The following HEATR9 variants were observed in gnomAD, a reference collection of about 807,000 sequenced individuals.
The protein encoded by HEATR9 is protein HEATR9.
Under a neutral mutation model 68.2 loss-of-function variants are expected in HEATR9, and 54 were observed. That is an observed-to-expected ratio of 0.79 (90% CI 0.64 to 0.99). The LOEUF is 0.99. Ranked by LOEUF, HEATR9 falls within the 50% of genes least tolerant of loss-of-function variation. The probability of loss-of-function intolerance (pLI) is 0.00; values close to 1 mark genes in which losing one functional copy is unlikely to be tolerated. For synonymous variants in HEATR9, 241 were observed against 253.5 expected (o/e 0.95, Z 0.47); for missense variants, 662 against 679.7 (o/e 0.97, Z 0.29).
chr17:35,863,450 A>G (rs1421447430), intron 7 of HEATR9, 52 bp downstream of exon 7: 31 of 1,573,606 alleles, frequency 2.0e-5, no homozygotes, highest in Non-Finnish European at 2.4e-5. Flanking sequence ...TACCCAAAGG[A>G]GAAAGTGGTT....
In HEATR9 at chr17:35,855,271, T is replaced by C; in HGVS notation, c.1505A>G (p.Asn502Ser). The C allele has an allele frequency of 6.2e-7, 1 of 1,614,228 alleles. No homozygotes were observed. Among genetic ancestry groups the C allele is most frequent in the Non-Finnish European group, 8.5e-7 (1 of 1,180,044 alleles). Residue 502 changes from asparagine to serine, a missense_variant, in exon 15 of 15, where the codon AAC (asparagine) becomes AGC (serine). Physicochemically the swap from Asn to Ser is conservative, Grantham distance 46. Transcript: ENST00000604834. The part of the protein sequence containing the change: ...EPTRFQKEPE[N>S]PEELTIQDFR... ...GTCTTGAATAGTTAACTCTTCTGGG[T>C]TCTCAGGCTCTTTCTGGAACCTTGT... is the stretch of plus-strand genomic sequence containing the variant.
At chr17:35,865,616 G>GC (rs2088173433) in intron 2 of HEATR9, among the ~76,000 whole-genome samples, 1 of 152,166 alleles carries the variant, frequency 6.6e-6, no homozygotes, top group South Asian at 2.1e-4. Flanking sequence ...GTAAAACAAA[G>GC]CTAATAATCC....
intron 11 of HEATR9, among the ~76,000 whole-genome samples, chr17:35,857,066 TGGAAGGTGAGTG>T (rs2087800201): frequency 6.6e-6 from 1 of 151,866 alleles, no homozygotes; most frequent in South Asian, 2.1e-4. Context: ...GAATGAAACT[TGGAAGGTGAGTG>T]GGAGTTAACC....
At chr17:35,855,442 C>T (rs376367613) in intron 14 of HEATR9, 32 bp from the exon 15 acceptor site, 66 of 1,587,872 alleles carry the variant, frequency 4.2e-5, no homozygotes, top group Admixed American at 1.7e-5. Context: ...AGTGCTGGCT[C>T]ACTTTGGGTT....
chr17:35,863,373 G>T, intron 7 of HEATR9, 129 bp downstream of exon 7: 1 of 1,067,226 alleles, frequency 9.4e-7, no homozygotes, highest in Non-Finnish European at 1.4e-6. Context: ...CAACATAACT[G>T]GGATAGTTCT....
chr17:35,855,106 C>G lies in HEATR9; in HGVS notation c.1670G>C (p.Arg557Thr). 6.2e-7 allele frequency: 1 copy of G among 1,614,052 alleles called. No individual in the cohort carries two copies. Among genetic ancestry groups the G allele is most frequent in the Non-Finnish European group, 8.5e-7 (1 of 1,179,994 alleles). Residue 557 changes from arginine (R) to threonine (T), a missense_variant, in exon 15 of 15, where the codon AGG becomes ACG. By Grantham distance (71) the Arg-to-Thr change is moderately conservative. Transcript: ENST00000604834. ...AAGGACCCGGAGCTGTTTCTTGATCCTTGGCTGCCAGGGCCCTATGACCTG... is the reference window on the plus strand; with the variant it reads ...AAGGACCCGGAGCTGTTTCTTGATCGTTGGCTGCCAGGGCCCTATGACCTG... ...RPQVIGPWQPRIKKQLRVLAE... is the reference protein window; with the variant it reads ...RPQVIGPWQPTIKKQLRVLAE...
At position 35,868,616 on chromosome 17, in the gene HEATR9, C is replaced by G. The variant is rs371829654; in HGVS notation, c.88+39G>C. ...GCCAGGTAGCATTTCTTTTTCAGTC[C>G]CCTGCTCTTGGCTCCATTTCTGTCC... is the stretch of plus-strand genomic sequence containing the variant. On this transcript the variant is annotated intron_variant, in intron 1 of 14. Transcript: ENST00000604834. 8.7e-6 allele frequency: 14 copies of G among 1,613,432 alleles called. No individual in the cohort carries two copies. In the African/African-American group the frequency reaches 1.6e-4, roughly 18 times the overall value.
intron 1 of HEATR9, 140 bp downstream of exon 1, chr17:35,868,515 C>CAAAGT (rs1455115167): frequency 8.3e-6 from 12 of 1,451,468 alleles, no homozygotes; most frequent in Admixed American, 2.5e-5. Flanking sequence ...GCAGAGCCAT[C>CAAAGT]AAAGTGTCCA....
rs766081154 is a variant in HEATR9, at chr17:35,859,059, G to A, written c.768C>T (p.Val256=). 3.7e-6 allele frequency: 6 copies of A among 1,614,096 alleles called. No homozygotes were observed. Among genetic ancestry groups the A allele is most frequent in the South Asian group, 1.1e-5 (1 of 91,076 alleles). The change falls in exon 9 of 15, where the codon GTC becomes GTT. Residue 256 remains valine (V), a synonymous_variant. Transcript: ENST00000604834. ...CAGGCACCAGCTTGCCCTCATCCCCGACTTGAGTCCTCTGTGAGGGAGACA... is the reference window on the plus strand; with the variant it reads ...CAGGCACCAGCTTGCCCTCATCCCCAACTTGAGTCCTCTGTGAGGGAGACA... ...AAVSKDKRTQ[V]GDEGKLVPVL...
At position 35,868,612 on chromosome 17, in the gene HEATR9, AGTCCCCTGCTCTTGGCTCCATTTCT is replaced by A; in HGVS notation, c.88+18_88+42del. The A allele has an allele frequency of 6.2e-7, 1 of 1,612,970 alleles. No individual in the cohort carries two copies. Among genetic ancestry groups the A allele is most frequent in the African/African-American group, 1.3e-5 (1 of 74,962 alleles). ...GAGAGCCAGGTAGCATTTCTTTTTC[AGTCCCCTGCTCTTGGCTCCATTTCT>A]GTCCATCCCAGCCTCACCTTTGGTC... On this transcript the variant is annotated intron_variant, in intron 1 of 14. Transcript: ENST00000604834.
chr17:35,855,470 G>T, intron 14 of HEATR9, 60 bp from the exon 15 acceptor site: 1 of 1,495,804 alleles, frequency 6.7e-7, no homozygotes, highest in South Asian at 1.2e-5. Context: ...GGAGGCTCCA[G>T]AGAGGGGGCA....
chr17:35,867,653 T>C (rs1370316125), intron 1 of HEATR9, among the ~76,000 whole-genome samples: 1 of 151,412 alleles, frequency 6.6e-6, no homozygotes, highest in Non-Finnish European at 1.5e-5. Context: ...AACCCTCAAT[T>C]AGGAAAAAAA....
In HEATR9 at chr17:35,856,784, G is replaced by C. The variant is rs1387379424; in HGVS notation, c.1174C>G (p.Gln392Glu). The C allele has an allele frequency of 6.2e-7, 1 of 1,605,900 alleles. No homozygotes were observed. The highest frequency in any genetic ancestry group is 1.7e-5 in the Admixed American group (1 of 59,122). ...TTCAACTTGAGCTCTTCCACAGTTTGAGCCACAGCCTGCCTCACAGCCTGC... is the reference window on the plus strand; with the variant it reads ...TTCAACTTGAGCTCTTCCACAGTTTCAGCCACAGCCTGCCTCACAGCCTGC... The part of the protein sequence containing the change: ...PFLAVRQAVA[Q>E]TVEELKLKPT... Residue 392 changes from glutamine to glutamate, a missense_variant, in exon 12 of 15, where the codon CAA becomes GAA. Physicochemically the swap from Gln to Glu is conservative, Grantham distance 29. Coordinates refer to ENST00000604834, the MANE Select transcript of HEATR9 (RefSeq NM_152781.4).
At chr17:35,866,818 C>A in intron 1 of HEATR9, 45 bp from the exon 2 acceptor site, 1 of 1,587,212 alleles carries the variant, frequency 6.3e-7, no homozygotes, top group Non-Finnish European at 8.7e-7. Flanking sequence ...AATGAGATAG[C>A]AGTTGCAGGC....
chr17:35,859,173 C>T, intron 8 of HEATR9, 103 bp from the exon 9 acceptor site: 1 of 1,045,260 alleles, frequency 9.6e-7, no homozygotes, highest in Non-Finnish European at 1.4e-6. Flanking sequence ...GAATCTTGTG[C>T]ATCAGATTAT....
rs1438491755 is a variant in HEATR9, at chr17:35,865,319, G to A, written c.216C>T (p.Cys72=). The A allele has an allele frequency of 4.0e-6, 6 of 1,507,990 alleles. No individual in the cohort carries two copies. Among genetic ancestry groups the A allele is most frequent in the Non-Finnish European group, 5.3e-6 (6 of 1,128,664 alleles). The allele number at this position is 1,507,990 out of a possible 1,614,324, so 93.4% of individuals were successfully genotyped here. A position where few individuals can be genotyped will look rare whatever the true frequency, so the allele number is the denominator to read the frequency against. ...TGTAGATCTCAGGTTTCTTGAAGTA[G>A]CAGTACGGGACTGAGTTTGGCTTGC... is the stretch of plus-strand genomic sequence containing the variant. ...HPSKPNSVPY[C]YFKKPEIYTH... The change falls in exon 3 of 15, where the codon TGC becomes TGT. Residue 72 remains cysteine (C), a synonymous_variant. Transcript: ENST00000604834.
At chr17:35,855,613 T>G (rs1289032901) in intron 14 of HEATR9, 51 bp downstream of exon 14, 5 of 1,552,968 alleles carry the variant, frequency 3.2e-6, no homozygotes, top group Non-Finnish European at 3.6e-6. Context: ...TGGGAGAAGC[T>G]TGAAGGAGGG....
At chr17:35,856,056 A>G (rs1307970937) in intron 13 of HEATR9, 117 bp downstream of exon 13, 1 of 1,192,432 alleles carries the variant, frequency 8.4e-7, no homozygotes, top group African/African-American at 1.5e-5. Context: ...GGAATTCTAA[A>G]ATAAACAACT....
At chr17:35,859,297 G>A (rs1335865345) in intron 8 of HEATR9, among the ~76,000 whole-genome samples, 1 of 152,106 alleles carries the variant, frequency 6.6e-6, no homozygotes, top group African/African-American at 2.4e-5. Context: ...CTTCTGCTGT[G>A]TTAATTCCTG....
Sources: allele counts gnomAD v4.1 joint callset (sites outside exome capture counted in the v4.1 genomes callset), GRCh38; gene constraint gnomAD v4.1.1; transcripts MANE v1.5; gene names NCBI Gene and HGNC (gene_info 2026-07-23, HGNC 2026-07-21).